Variants in GPR158 observed in about 807,000 individuals in gnomAD.
GPR158 encodes the protein metabotropic glycine receptor.
A neutral mutation model predicts 78.2 loss-of-function variants in GPR158; 30 were observed. The ratio of observed to expected loss-of-function variants is 0.38; its 90% CI spans 0.29 to 0.52. The LOEUF (loss-of-function observed/expected upper bound fraction) is 0.52, where lower values mean the gene tolerates loss of function less well. GPR158 is among the 20% of genes least tolerant of loss of function. The probability of loss-of-function intolerance (pLI) is 0.83; values close to 1 mark genes in which losing one functional copy is unlikely to be tolerated. For missense variants in GPR158, 1,463 were observed against 1,523.5 expected (o/e 0.96, Z 0.66); for synonymous variants, 581 against 591.1 (o/e 0.98, Z 0.25).
intron 2 of GPR158, among the ~76,000 whole-genome samples, chr10:25,389,298 C>CAGAG (rs1834262011): frequency 6.6e-6 from 1 of 152,138 alleles, no homozygotes; most frequent in South Asian, 2.1e-4. Flanking sequence ...CAACCAACTG[C>CAGAG]AGAGAGGAGC....
intron 2 of GPR158, among the ~76,000 whole-genome samples, chr10:25,359,531 A>C (rs917054687): frequency 1.3e-5 from 2 of 151,996 alleles, no homozygotes; most frequent in Admixed American, 1.3e-4. Flanking sequence ...TTCCTGTGTC[A>C]GTTTGCTGAG....
intron 2 of GPR158, among the ~76,000 whole-genome samples, chr10:25,390,977 G>A (rs1487737774): frequency 4.6e-5 from 7 of 152,298 alleles, no homozygotes; most frequent in South Asian, 4.1e-4. Flanking sequence ...CCGTGTGTCA[G>A]CTGTGGCTAA....
intron 2 of GPR158, among the ~76,000 whole-genome samples, chr10:25,347,647 T>G (rs931974245): frequency 6.6e-6 from 1 of 152,064 alleles, no homozygotes; most frequent in African/African-American, 2.4e-5. Flanking sequence ...GAAGATACTC[T>G]TTGTAGGGTA....
chr10:25,203,278 C>T (rs928584311), intron 1 of GPR158, among the ~76,000 whole-genome samples: 2 of 152,000 alleles, frequency 1.3e-5, no homozygotes, highest in African/African-American at 2.4e-5. Flanking sequence ...TTTGTCAATT[C>T]TGGCTTTTGT....
At chr10:25,290,254 CTA>C (rs1384118725) in intron 2 of GPR158, among the ~76,000 whole-genome samples, 1 of 152,156 alleles carries the variant, frequency 6.6e-6, no homozygotes, top group East Asian at 1.9e-4. Context: ...ATTCCGTATA[CTA>C]TCTCTGATTT....
At chr10:25,194,340 A>ACCAGCC (rs906329912) in intron 1 of GPR158, among the ~76,000 whole-genome samples, 3 of 152,086 alleles carry the variant, frequency 2.0e-5, no homozygotes, top group African/African-American at 7.2e-5. Context: ...AGAGTTCAAG[A>ACCAGCC]CCAGCCTGGC....
chr10:25,256,897 C>G (rs1046388728), intron 2 of GPR158, among the ~76,000 whole-genome samples: 42 of 152,072 alleles, frequency 2.8e-4, no homozygotes, highest in African/African-American at 9.2e-4. Flanking sequence ...CTGAAATTAA[C>G]AGGATACGTT....
intron 8 of GPR158, among the ~76,000 whole-genome samples, chr10:25,590,628 A>G (rs1244976931): frequency 6.6e-6 from 1 of 152,204 alleles, no homozygotes; most frequent in Non-Finnish European, 1.5e-5. Context: ...ATGCTTTTCT[A>G]CAACCAGTTA....
chr10:25,366,018 A>G (rs1329345580), intron 2 of GPR158, among the ~76,000 whole-genome samples: 1 of 151,774 alleles, frequency 6.6e-6, no homozygotes, highest in Non-Finnish European at 1.5e-5. Flanking sequence ...ACATTGAGTG[A>G]TTAAAAGATA....
chr10:25,388,749 C>G (rs1260382102), intron 2 of GPR158, among the ~76,000 whole-genome samples: 1 of 152,198 alleles, frequency 6.6e-6, no homozygotes, highest in East Asian at 1.9e-4. Context: ...TGCAGCTGCC[C>G]AAGTTGTGGC....
intron 2 of GPR158, among the ~76,000 whole-genome samples, chr10:25,382,900 C>T (rs1004598326): frequency 6.6e-6 from 1 of 151,978 alleles, no homozygotes; most frequent in Non-Finnish European, 1.5e-5. Flanking sequence ...GGCATGATCT[C>T]GGCTCATTGC....
intron 5 of GPR158, among the ~76,000 whole-genome samples, chr10:25,537,045 C>A (rs969618236): frequency 3.3e-5 from 5 of 152,208 alleles, no homozygotes; most frequent in African/African-American, 1.2e-4. Context: ...CTAAACTCCA[C>A]CTGTGTCTCA....
intron 2 of GPR158, among the ~76,000 whole-genome samples, chr10:25,305,584 G>T (rs953370123): frequency 6.6e-6 from 1 of 152,146 alleles, no homozygotes; most frequent in South Asian, 2.1e-4. Flanking sequence ...TGCCTGTGTT[G>T]TGCTAAGGAT....
At position 25,599,425 on chromosome 10, in the gene GPR158, A is replaced by G. The variant is rs999392697; in HGVS notation, c.*151A>G. The G allele has an allele frequency of 3.2e-6, 2 of 631,168 alleles. No homozygotes were observed. Among genetic ancestry groups the G allele is most frequent in the Non-Finnish European group, 5.4e-6 (2 of 368,164 alleles). The allele number at this position is 631,168 out of a possible 1,614,324, so 39.1% of individuals were successfully genotyped here. On this transcript the variant is annotated 3_prime_UTR_variant, in exon 11 of 11. Transcript: ENST00000376351. Reference sequence around the variant, plus strand: ...TCAAAGGCATGGGTAGAAGAGGACCAGGGGGGCAAGAGCAACAACGTCATA... The same window carrying G: ...TCAAAGGCATGGGTAGAAGAGGACCGGGGGGGCAAGAGCAACAACGTCATA...
intron 4 of GPR158, 22 bp from the exon 5 acceptor site, chr10:25,466,629 C>T (rs754587896): frequency 3.2e-6 from 5 of 1,546,280 alleles, no homozygotes; most frequent in South Asian, 1.2e-5. Flanking sequence ...TTAGTAATGA[C>T]GTTTTTATTT....
At chr10:25,514,948 T>A (rs1324071706) in intron 5 of GPR158, among the ~76,000 whole-genome samples, 1 of 152,166 alleles carries the variant, frequency 6.6e-6, no homozygotes, top group African/African-American at 2.4e-5. Context: ...CTCTTAAGAT[T>A]TTTTCCTTCA....
At position 25,467,071 on chromosome 10, in the gene GPR158, AG is replaced by A. The variant is rs1337452505; in HGVS notation, c.1404+355del. 2.3e-4 allele frequency among the ~76,000 whole-genome samples: 35 copies of A among 152,248 alleles called. 1 individual carries two copies. Among genetic ancestry groups the A allele is most frequent in the Admixed American group, 2.2e-3 (33 of 15,292 alleles). The stretch of plus-strand genomic sequence containing the variant: ...GGTGCAGCGTGGTTTTATACATTTT[AG>A]GGAGGCATGAGACTTCAATCAGATT... On this transcript the variant is annotated intron_variant, in intron 5 of 10. Transcript: ENST00000376351.
intron 6 of GPR158, among the ~76,000 whole-genome samples, chr10:25,563,400 T>C (rs543009408): frequency 1.3e-5 from 2 of 152,202 alleles, no homozygotes; most frequent in South Asian, 2.1e-4. Flanking sequence ...AAAAATCTCT[T>C]CTACCATTTC....
intron 4 of GPR158, among the ~76,000 whole-genome samples, chr10:25,424,648 C>A (rs1834795010): frequency 6.6e-6 from 1 of 151,654 alleles, no homozygotes; most frequent in Non-Finnish European, 1.5e-5. Context: ...GGAATCCTTT[C>A]CCCATTTCTT....
Sources: allele counts gnomAD v4.1 joint callset (sites outside exome capture counted in the v4.1 genomes callset), GRCh38; gene constraint gnomAD v4.1.1; transcripts MANE v1.5; gene names NCBI Gene and HGNC (gene_info 2026-07-23, HGNC 2026-07-21).